The following BCAT2 variants were observed in gnomAD, a reference collection of about 807,000 sequenced individuals.
The protein encoded by BCAT2 is branched-chain-amino-acid aminotransferase, mitochondrial.
BCAT2 carries 44 observed loss-of-function variants against 52.9 expected under a neutral mutation model. The ratio of observed to expected loss-of-function variants is 0.83; its 90% CI spans 0.65 to 1.07. The LOEUF is 1.07. BCAT2 is among the 50% of genes least tolerant of loss of function. The pLI is 0.00. For missense variants in BCAT2, 478 were observed against 521.8 expected, an observed-to-expected ratio of 0.92 and a Z score of 0.82; for synonymous variants, 215 against 217.1, an observed-to-expected ratio of 0.99 and a Z score of 0.08.
Position 48,795,230 on chromosome 19 carries a change from G to T in BCAT2, c.*196C>A. 6.0e-6 allele frequency: 4 copies of T among 662,014 alleles called. No homozygotes were observed. Among genetic ancestry groups the T allele is most frequent in the South Asian group, 1.8e-5 (1 of 55,628 alleles). The allele number at this position is 662,014 out of a possible 1,614,324, so 41.0% of individuals were successfully genotyped here. A position where few individuals can be genotyped will look rare whatever the true frequency, so the allele number is the denominator to read the frequency against. On this transcript the variant is annotated 3_prime_UTR_variant, in exon 11 of 11. Transcript: ENST00000316273. The stretch of plus-strand genomic sequence containing the variant: ...TGGGCGGACCTGAACCCGCGACGAG[G>T]GGCTGGGGGCCAAGATGCCTGGGTC...
chr19:48,796,652 G>A lies in BCAT2; in HGVS notation c.991C>T (p.Arg331Cys), dbSNP rs756358618. ...CCCGAGCCAAAGACTTCCCGCACGC[G>A]GCCCTCCTCCAGGGCCCGCAGCAAC... is the stretch of plus-strand genomic sequence containing the variant. ...KQLLRALEEGRVREVFGSGTA... is the reference protein window; with the variant it reads ...KQLLRALEEGCVREVFGSGTA... The change falls in exon 9 of 11, where the codon CGC (arginine) becomes TGC (cysteine). Residue 331 changes from arginine (R) to cysteine (C), a missense_variant. Coordinates refer to ENST00000316273, the MANE Select transcript of BCAT2 (RefSeq NM_001190.4). 21 of 1,613,486 alleles carry A rather than the reference G, an allele frequency of 1.3e-5. No individual in the cohort carries two copies. In the East Asian group the frequency reaches 2.5e-4, roughly 19 times the overall value.
Position 48,801,074 on chromosome 19 carries a change from G to A in BCAT2, c.301-777C>T, listed in dbSNP as rs552752037. Among the ~76,000 whole-genome samples, 80 of 152,010 alleles carry A rather than the reference G, an allele frequency of 5.3e-4. 2 individuals are homozygous for A. In the Middle Eastern group the frequency reaches 0.014, roughly 26 times the overall value. ...GTGATCTCTGCTGATTGCAACCTCCGCCTCCCAGGTCCAAGTGATTCTTGT... is the reference window on the plus strand; with the variant it reads ...GTGATCTCTGCTGATTGCAACCTCCACCTCCCAGGTCCAAGTGATTCTTGT... On this transcript the variant is annotated intron_variant, in intron 3 of 10. Transcript: ENST00000316273.
chr19:48,800,244 G>A lies in BCAT2; in HGVS notation c.354C>T (p.Phe118=). 7 of 1,613,896 alleles carry A rather than the reference G, an allele frequency of 4.3e-6. No homozygotes were observed. The highest frequency in any genetic ancestry group is 5.9e-6 in the Non-Finnish European group (7 of 1,180,022). The change falls in exon 4 of 11, where the codon TTC becomes TTT. Residue 118 remains phenylalanine, a synonymous_variant. Transcript: ENST00000316273. ...TCCGGTCCATGTTGAGCCAGGGGCG[G>A]AAGAGGCGCACCTGCTGGTCTTTGC... is the stretch of plus-strand genomic sequence containing the variant. ...FKGKDQQVRL[F]RPWLNMDRML...
At chr19:48,805,375 C>G (rs1023567059) in intron 3 of BCAT2, among the ~76,000 whole-genome samples, 1 of 152,108 alleles carries the variant, frequency 6.6e-6, no homozygotes, top group African/African-American at 2.4e-5. Flanking sequence ...CTCCACATGG[C>G]CTGAGAGGGC....
Position 48,811,014 on chromosome 19 carries a change from T to G in BCAT2, c.-7A>C. 6.2e-7 allele frequency: 1 copy of G among 1,604,072 alleles called. No individual in the cohort carries two copies. Among genetic ancestry groups the G allele is most frequent in the Non-Finnish European group, 8.5e-7 (1 of 1,176,454 alleles). ...CCAGAGCGGCTGCGGCCATGATCCG[T>G]GCGGCGCGTAACTGTGCCCGCCCGG... On this transcript the variant is annotated 5_prime_UTR_variant, in exon 1 of 11. Coordinates refer to ENST00000316273, the MANE Select transcript of BCAT2 (RefSeq NM_001190.4).
Position 48,810,730 on chromosome 19 carries a change from G to A in BCAT2, c.24+254C>T, listed in dbSNP as rs1431665008. ...CCCTCATTACAGGGTCCTCCACCATGTTTCCCTTTTTTTTTTTTTTTTTAC... is the reference window on the plus strand; with the variant it reads ...CCCTCATTACAGGGTCCTCCACCATATTTCCCTTTTTTTTTTTTTTTTTAC... On this transcript the variant is annotated intron_variant, in intron 1 of 10. Coordinates refer to ENST00000316273, the MANE Select transcript of BCAT2 (RefSeq NM_001190.4). 28 of 1,031,918 alleles carry A rather than the reference G, an allele frequency of 2.7e-5. No individual in the cohort carries two copies. The South Asian group carries it at 4.5e-4, about 17-fold the overall frequency. The allele number at this position is 1,031,918 out of a possible 1,614,324, so 63.9% of individuals were successfully genotyped here.
chr19:48,798,060 G>A (rs940208177), intron 6 of BCAT2, among the ~76,000 whole-genome samples: 4 of 151,968 alleles, frequency 2.6e-5, no homozygotes, highest in Non-Finnish European at 5.9e-5. Context: ...GAGCCACAGC[G>A]CCCGGCCTTA....
intron 10 of BCAT2, among the ~76,000 whole-genome samples, chr19:48,795,678 A>C (rs1009922604): frequency 6.6e-6 from 1 of 152,116 alleles, no homozygotes; most frequent in Admixed American, 6.6e-5. Context: ...TGAAGACAGG[A>C]ATTATGGCCA....
chr19:48,807,160 G>A lies in BCAT2; in HGVS notation c.25-86C>T, dbSNP rs1318403270. 1 of 1,162,322 alleles carries A rather than the reference G, an allele frequency of 8.6e-7. No individual in the cohort carries two copies. Among genetic ancestry groups the A allele is most frequent in the Non-Finnish European group, 1.2e-6 (1 of 806,068 alleles). The allele number at this position is 1,162,322 out of a possible 1,614,324, so 72.0% of individuals were successfully genotyped here. A position where few individuals can be genotyped will look rare whatever the true frequency, so the allele number is the denominator to read the frequency against. ...CGCTCGCCACCTCCTGCACTTGGAG[G>A]TCCCACTGGCCTGCCTGTTCTGTCC... On this transcript the variant is annotated intron_variant, in intron 1 of 10. Transcript: ENST00000316273. The surrounding 1 kb of genome is among the most constrained non-coding windows in gnomAD (Gnocchi z 4.6).
rs1436458165 is a variant in BCAT2, at chr19:48,807,437, C to A, written c.25-363G>T. 7 of 209,888 alleles carry A rather than the reference C, an allele frequency of 3.3e-5. No individual in the cohort carries two copies. Among genetic ancestry groups the A allele is most frequent in the African/African-American group, 1.4e-4 (6 of 42,072 alleles). The allele number at this position is 209,888 out of a possible 1,614,324, so 13.0% of individuals were successfully genotyped here. On this transcript the variant is annotated intron_variant, in intron 1 of 10. Transcript: ENST00000316273. The surrounding 1 kb of genome is among the most constrained non-coding windows in gnomAD (Gnocchi z 4.6). ...CTCCGGGTACCCAAGTGCTGACAGG[C>A]CTTAGAAGACCAAGGACCGACAGGT...
intron 2 of BCAT2, 29 bp from the exon 3 acceptor site, chr19:48,806,746 C>T: frequency 1.2e-6 from 2 of 1,608,366 alleles, no homozygotes; most frequent in South Asian, 2.2e-5. Flanking sequence ...ATCCTAGAAT[C>T]TGGCCACAAC....
chr19:48,810,458 T>G (rs182954275), intron 1 of BCAT2, among the ~76,000 whole-genome samples: 7 of 152,324 alleles, frequency 4.6e-5, no homozygotes, highest in Non-Finnish European at 8.8e-5. Context: ...CCAATCCAGG[T>G]GCAAAGCTTC....
At position 48,808,041 on chromosome 19, in the gene BCAT2, G is replaced by C. The variant is rs571626625; in HGVS notation, c.25-967C>G. 5.6e-5 allele frequency: 55 copies of C among 987,110 alleles called. No individual in the cohort carries two copies. In the African/African-American group the frequency reaches 8.9e-4, roughly 16 times the overall value. 61.1% of individuals were successfully genotyped at this position (987,110 alleles called of 1,614,324 possible). A position where few individuals can be genotyped will look rare whatever the true frequency, so the allele number is the denominator to read the frequency against. Reference sequence around the variant, plus strand: ...CTGGCCTGGCCTGCCCTGTGAGCTGGGTGAGTTGGCACTGATTCTGGAAGA... The same window carrying C: ...CTGGCCTGGCCTGCCCTGTGAGCTGCGTGAGTTGGCACTGATTCTGGAAGA... On this transcript the variant is annotated intron_variant, in intron 1 of 10. Coordinates refer to ENST00000316273, the MANE Select transcript of BCAT2 (RefSeq NM_001190.4).
intron 10 of BCAT2, 102 bp from the exon 11 acceptor site, chr19:48,795,566 CG>C: frequency 7.3e-7 from 1 of 1,375,426 alleles, no homozygotes; most frequent in Non-Finnish European, 1.0e-6. Context: ...TGTGCCCCAG[CG>C]GCTCACGGGA....
In BCAT2 at chr19:48,806,778, C is replaced by T. The variant is rs564240600; in HGVS notation, c.100-61G>A. Reference sequence around the variant, plus strand: ...CAACCTCCCAGCTGAAAAACTACAACTCCCATGAAGCCCTGGGCCTCAGAC... The same window carrying T: ...CAACCTCCCAGCTGAAAAACTACAATTCCCATGAAGCCCTGGGCCTCAGAC... On this transcript the variant is annotated intron_variant, in intron 2 of 10. Coordinates refer to ENST00000316273, the MANE Select transcript of BCAT2 (RefSeq NM_001190.4). 9.6e-5 allele frequency: 152 copies of T among 1,583,890 alleles called. No individual in the cohort carries two copies. The Admixed American group carries it at 2.4e-3, about 25-fold the overall frequency.
intron 1 of BCAT2, chr19:48,808,431 G>A (rs950834241): frequency 3.7e-6 from 1 of 268,932 alleles, no homozygotes; most frequent in Non-Finnish European, 5.7e-6. Flanking sequence ...AGAAATTGAC[G>A]CCAAGAAACA....
At position 48,800,257 on chromosome 19, in the gene BCAT2, T is replaced by C. The variant is rs1237596928; in HGVS notation, c.341A>G (p.Gln114Arg). 2 of 1,613,830 alleles carry C rather than the reference T, an allele frequency of 1.2e-6. No homozygotes were observed. Among genetic ancestry groups the C allele is most frequent in the Non-Finnish European group, 1.7e-6 (2 of 1,180,032 alleles). The change falls in exon 4 of 11, where the codon CAG (glutamine) becomes CGG (arginine). Residue 114 changes from glutamine (Q) to arginine (R), a missense_variant. By Grantham distance (43) the Gln-to-Arg change is conservative. Coordinates refer to ENST00000316273, the MANE Select transcript of BCAT2 (RefSeq NM_001190.4). ...GAGCCAGGGGCGGAAGAGGCGCACC[T>C]GCTGGTCTTTGCCTTTGAACGCCTT... ...GMKAFKGKDQ[Q>R]VRLFRPWLNM...
intron 2 of BCAT2, 27 bp from the exon 3 acceptor site, chr19:48,806,744 AT>A (rs2034793143): frequency 2.5e-6 from 4 of 1,608,850 alleles, no homozygotes; most frequent in Non-Finnish European, 3.4e-6. Flanking sequence ...GTATCCTAGA[AT>A]CTGGCCACAA....
chr19:48,797,464 G>A (rs1236363593), intron 6 of BCAT2, 131 bp from the exon 7 acceptor site: 10 of 1,146,902 alleles, frequency 8.7e-6, no homozygotes, highest in Non-Finnish European at 1.1e-5. Flanking sequence ...CAGTTCCCCT[G>A]AGATGGAATC....
Sources: gnomAD v4.1 joint callset for allele counts (sites outside exome capture counted in the v4.1 genomes callset) on GRCh38, gnomAD v4.1.1 for gene constraint, Gnocchi (gnomAD v3.1) non-coding constraint, MANE v1.5 for transcripts, NCBI Gene and HGNC (gene_info 2026-07-23, HGNC 2026-07-21) for gene names.